CFAP43: variants seen among roughly 807,000 people sequenced by gnomAD.
The protein encoded by CFAP43 is cilia- and flagella-associated protein 43.
In CFAP43, 155 loss-of-function variants were observed where a neutral mutation model predicts 218.9. The ratio of observed to expected loss-of-function variants is 0.71; its 90% CI spans 0.62 to 0.81. The LOEUF is 0.81. CFAP43 is among the 30% of genes least tolerant of loss of function. CFAP43 has a pLI of 0.00. For synonymous variants in CFAP43, 645 were observed against 681.3 expected (o/e 0.95, Z 0.83); for missense variants, 1,778 against 1,954.3 (o/e 0.91, Z 1.70).
chr10:104,188,048 C>T (rs2090087478), intron 13 of CFAP43, among the ~76,000 whole-genome samples: 1 of 152,186 alleles, frequency 6.6e-6, no homozygotes, highest in Non-Finnish European at 1.5e-5. Context: ...TTGATCCTAT[C>T]TCTTTTCCTA....
intron 9 of CFAP43, 84 bp downstream of exon 9, chr10:104,197,838 C>G: frequency 2.1e-6 from 2 of 961,054 alleles, no homozygotes; most frequent in Non-Finnish European, 3.2e-6. Context: ...TTCAAAGTTA[C>G]CCAATAACAT....
Position 104,179,061 on chromosome 10 carries a change from T to C in CFAP43, c.2428A>G (p.Ile810Val), listed in dbSNP as rs1398962545. The change falls in exon 19 of 38, where the codon ATA (isoleucine) becomes GTA (valine). Residue 810 changes from isoleucine (I) to valine (V), a missense_variant. Physicochemically the swap from Ile to Val is conservative, Grantham distance 29 (BLOSUM62 3). Transcript: ENST00000357060. The stretch of plus-strand genomic sequence containing the variant: ...GAAAGTGATTTGATTCCTTGTTTTA[T>C]CTCTTTCCTTTTCTTGGAAAACAGA... ...VNLFSKKRKE[I>V]KQGIKSLSKT... 6.8e-6 allele frequency: 11 copies of C among 1,613,394 alleles called. No homozygotes were observed. Among genetic ancestry groups the C allele is most frequent in the Non-Finnish European group, 8.5e-6 (10 of 1,179,746 alleles).
chr10:104,217,500 A>G (rs898125705), intron 3 of CFAP43, among the ~76,000 whole-genome samples: 1 of 152,174 alleles, frequency 6.6e-6, no homozygotes, highest in African/African-American at 2.4e-5. Flanking sequence ...TTTTCTCTAC[A>G]GCACTCGCAT....
chr10:104,138,490 A>G (rs548537588), intron 34 of CFAP43, among the ~76,000 whole-genome samples: 30 of 152,074 alleles, frequency 2.0e-4, no homozygotes, highest in Non-Finnish European at 3.8e-4. Context: ...AGCCTGACCA[A>G]CATGGAGAAA....
At chr10:104,191,728 A>C (rs1456692242) in intron 12 of CFAP43, among the ~76,000 whole-genome samples, 1 of 150,894 alleles carries the variant, frequency 6.6e-6, no homozygotes, top group Non-Finnish European at 1.5e-5. Context: ...GGGACTTGGC[A>C]AAGTGTGAGG....
chr10:104,202,442 C>G (rs888193298), intron 8 of CFAP43, among the ~76,000 whole-genome samples: 15 of 152,170 alleles, frequency 9.9e-5, no homozygotes, highest in Admixed American at 3.9e-4. Flanking sequence ...TCTGGGAAAT[C>G]CCCAGTCAAT....
intron 28 of CFAP43, among the ~76,000 whole-genome samples, chr10:104,150,032 G>A (rs2088173192): frequency 6.6e-6 from 1 of 152,074 alleles, no homozygotes; most frequent in Non-Finnish European, 1.5e-5. Flanking sequence ...CACAAAAATG[G>A]AATCATACAA....
At chr10:104,182,863 C>G (rs746729691) in intron 16 of CFAP43, among the ~76,000 whole-genome samples, 4 of 152,072 alleles carry the variant, frequency 2.6e-5, no homozygotes, top group Non-Finnish European at 5.9e-5. Context: ...AGGGGTACAC[C>G]ACCATGCATG....
chr10:104,226,754 T>G (rs1485712794), intron 2 of CFAP43, among the ~76,000 whole-genome samples: 2 of 152,116 alleles, frequency 1.3e-5, no homozygotes, highest in Admixed American at 1.3e-4. Flanking sequence ...GCGAGATGGC[T>G]CACACCTGAA....
Position 104,142,682 on chromosome 10 carries a change from C to G in CFAP43, c.4159-289G>C, listed in dbSNP as rs142144733. Among the ~76,000 whole-genome samples, 1,212 of 151,980 alleles carry G rather than the reference C, an allele frequency of 8.0e-3. 10 individuals carry two copies. Among genetic ancestry groups the G allele is most frequent in the Non-Finnish European group, 0.013 (882 of 67,970 alleles). ...ATCACTTTAAGTGAAATTATAGAAT[C>G]CTAGGTACTTTAACAAAAATATGCC... On this transcript the variant is annotated intron_variant, in intron 32 of 37. Transcript: ENST00000357060.
chr10:104,201,994 A>G (rs983800166), intron 8 of CFAP43, among the ~76,000 whole-genome samples: 7 of 152,224 alleles, frequency 4.6e-5, no homozygotes, highest in Non-Finnish European at 8.8e-5. Flanking sequence ...AACTTTTTCT[A>G]TAAATAGGCT....
chr10:104,179,693 C>A (rs624159), intron 18 of CFAP43, 147 bp downstream of exon 18: 265,960 of 625,504 alleles, frequency 0.43, 58,910 homozygotes, highest in African/African-American at 0.65. Context: ...ATTTGCTTTC[C>A]GAAAAGTTAC....
intron 37 of CFAP43, among the ~76,000 whole-genome samples, chr10:104,130,803 G>T (rs1376331332): frequency 6.6e-6 from 1 of 151,886 alleles, no homozygotes; most frequent in Non-Finnish European, 1.5e-5. Context: ...TTCGAGGCCA[G>T]CCTGGCCAAC....
rs760609580 is a variant in CFAP43, at chr10:104,162,023, G to C, written c.3352C>G (p.Arg1118Gly). Residue 1118 changes from arginine (R) to glycine (G), a missense_variant, in exon 26 of 38, where the codon CGA becomes GGA. Arg to Gly is a moderately radical substitution (Grantham distance 125). Coordinates refer to ENST00000357060, the MANE Select transcript of CFAP43 (RefSeq NM_025145.7). Reference sequence around the variant, plus strand: ...CCTCCCATCATGTCCATCAGAGCTCGGAGTCTTGTACTGGCATCCTGGGAA... The same window carrying C: ...CCTCCCATCATGTCCATCAGAGCTCCGAGTCTTGTACTGGCATCCTGGGAA... ...LLIQDASTRL[R>G]ALMDMMGGVL... 1 of 1,613,476 alleles carries C rather than the reference G, an allele frequency of 6.2e-7. No homozygotes were observed. Among genetic ancestry groups the C allele is most frequent in the Non-Finnish European group, 8.5e-7 (1 of 1,179,888 alleles).
chr10:104,175,330 TG>T (rs1313660114), intron 19 of CFAP43, among the ~76,000 whole-genome samples: 33 of 152,066 alleles, frequency 2.2e-4, no homozygotes, highest in African/African-American at 7.7e-4. Context: ...AAGGATGAGG[TG>T]AGAGGAATGC....
At chr10:104,187,613 G>A in intron 13 of CFAP43, 121 bp from the exon 14 acceptor site, 3 of 790,122 alleles carry the variant, frequency 3.8e-6, no homozygotes, top group Non-Finnish European at 5.5e-6. Context: ...TATTGCGGAA[G>A]CTAGTAGGTG....
intron 8 of CFAP43, among the ~76,000 whole-genome samples, chr10:104,199,222 G>C (rs1023338332): frequency 1.3e-5 from 2 of 152,088 alleles, no homozygotes; most frequent in African/African-American, 4.8e-5. Context: ...AATCTGTTCT[G>C]TAATGAATGC....
At chr10:104,182,150 G>T (rs2089866904) in intron 17 of CFAP43, among the ~76,000 whole-genome samples, 1 of 152,142 alleles carries the variant, frequency 6.6e-6, no homozygotes, top group Non-Finnish European at 1.5e-5. Context: ...TTGTACTATG[G>T]TTTAAATGAG....
At position 104,188,292 on chromosome 10, in the gene CFAP43, T is replaced by C; in HGVS notation, c.1665A>G (p.Thr555=). 1.2e-6 allele frequency: 2 copies of C among 1,614,082 alleles called. No individual in the cohort carries two copies. Among genetic ancestry groups the C allele is most frequent in the Non-Finnish European group, 1.7e-6 (2 of 1,179,990 alleles). The part of the protein sequence containing the change: ...EAGRSRLEMF[T]LPTLLPQVST... ...TACCTTGTGGCAGTAATGTAGGCAG[T>C]GTGAACATCTCCAACCTGCTTCTCC... is the stretch of plus-strand genomic sequence containing the variant. Residue 555 remains threonine (T), a synonymous_variant, in exon 13 of 38, where the codon ACA becomes ACG. Coordinates refer to ENST00000357060, the MANE Select transcript of CFAP43 (RefSeq NM_025145.7).
Sources: allele counts gnomAD v4.1 joint callset (sites outside exome capture counted in the v4.1 genomes callset), GRCh38; gene constraint gnomAD v4.1.1; transcripts MANE v1.5; gene names NCBI Gene and HGNC (gene_info 2026-07-23, HGNC 2026-07-21).